Variants in HNF4G observed in about 807,000 individuals in gnomAD.
The protein encoded by HNF4G is hepatocyte nuclear factor 4-gamma.
A neutral mutation model predicts 50.9 loss-of-function variants in HNF4G; 21 were observed. That is an observed-to-expected ratio of 0.41 (90% CI 0.29 to 0.59). HNF4G has a LOEUF of 0.59. HNF4G is among the 20% of genes least tolerant of loss of function. The probability of loss-of-function intolerance (pLI) is 0.26; values close to 1 mark genes in which losing one functional copy is unlikely to be tolerated. For synonymous variants in HNF4G, 198 were observed against 185.6 expected, an observed-to-expected ratio of 1.07 and a Z score of -0.54; for missense variants, 527 against 559.4, an observed-to-expected ratio of 0.94 and a Z score of 0.58.
upstream of HNF4G, among the ~76,000 whole-genome samples, chr8:75,538,303 A>T (rs576642561): frequency 6.6e-6 from 1 of 152,330 alleles, no homozygotes; most frequent in Non-Finnish European, 1.5e-5. Context: ...TGGATCCGGT[A>T]CTGTCACCCG....
intron 2 of HNF4G, among the ~76,000 whole-genome samples, chr8:75,508,607 G>T (rs1012526323): frequency 6.6e-6 from 1 of 152,116 alleles, no homozygotes; most frequent in Non-Finnish European, 1.5e-5. Context: ...ACTTTTCAAA[G>T]AGCTTAGAAT....
intron 4 of HNF4G, 62 bp from the exon 5 acceptor site, chr8:75,552,980 A>G: frequency 8.1e-7 from 1 of 1,235,062 alleles, no homozygotes. Context: ...TCAAAAGAAA[A>G]AAAGGGGAAT....
chr8:75,477,152 T>C (rs1202810877), intron 1 of HNF4G, among the ~76,000 whole-genome samples: 4 of 152,220 alleles, frequency 2.6e-5, no homozygotes, highest in Non-Finnish European at 5.9e-5. Flanking sequence ...TTTCCCAGTT[T>C]TGCTTCAAGA....
intron 1 of HNF4G, among the ~76,000 whole-genome samples, chr8:75,422,273 C>T (rs1810792743): frequency 6.6e-6 from 1 of 152,126 alleles, no homozygotes; most frequent in African/African-American, 2.4e-5. Flanking sequence ...ATTTTCCCCA[C>T]AGTAATTTAT....
At chr8:75,538,296 A>C (rs950862145), upstream of HNF4G, among the ~76,000 whole-genome samples, 6 of 152,204 alleles carry the variant, frequency 3.9e-5, no homozygotes, top group East Asian at 9.6e-4. Context: ...AAATGCCTGG[A>C]TCCGGTACTG....
chr8:75,542,218 T>A (rs915525291), intron 1 of HNF4G, among the ~76,000 whole-genome samples: 9 of 151,928 alleles, frequency 5.9e-5, no homozygotes, highest in African/African-American at 2.2e-4. Flanking sequence ...GGTGGGAGGA[T>A]TGCTTGAGCT....
chr8:75,432,716 C>CT (rs1248852493), intron 1 of HNF4G, among the ~76,000 whole-genome samples: 3 of 152,096 alleles, frequency 2.0e-5, no homozygotes, highest in Non-Finnish European at 4.4e-5. Context: ...GTATTCATGG[C>CT]TTTTTTTAAG....
intron 1 of HNF4G, among the ~76,000 whole-genome samples, chr8:75,439,027 T>G (rs1045529301): frequency 1.3e-5 from 2 of 152,052 alleles, no homozygotes; most frequent in African/African-American, 2.4e-5. Context: ...TGTGTATTCA[T>G]TGTATATTTA....
chr8:75,425,360 A>G (rs954307572), intron 1 of HNF4G, among the ~76,000 whole-genome samples: 1 of 151,562 alleles, frequency 6.6e-6, no homozygotes, highest in Non-Finnish European at 1.5e-5. Context: ...CTAAGATTAC[A>G]GGTGTGAGCC....
Position 75,551,452 on chromosome 8 carries a change from C to T in HNF4G, c.447C>T (p.Pro149=), listed in dbSNP as rs1432625609. 2 of 1,613,274 alleles carry T rather than the reference C, an allele frequency of 1.2e-6. No homozygotes were observed. The highest frequency in any genetic ancestry group is 1.1e-5 in the South Asian group (1 of 91,064). ...RRSTFDGSNI[P]SINTLAQAEV... is the part of the protein sequence containing the mutation. Reference sequence around the variant, plus strand: ...GCACATTTGATGGCAGCAACATCCCCTCCATTAACACACTGGCACAAGCTG... The same window carrying T: ...GCACATTTGATGGCAGCAACATCCCTTCCATTAACACACTGGCACAAGCTG... Residue 149 remains proline (P), a synonymous_variant, in exon 4 of 10, where the codon CCC becomes CCT. Transcript: ENST00000396423.
At chr8:75,410,056 C>A (rs1810463929) in intron 1 of HNF4G, among the ~76,000 whole-genome samples, 1 of 152,074 alleles carries the variant, frequency 6.6e-6, no homozygotes, top group South Asian at 2.1e-4. Flanking sequence ...AAATACTTAT[C>A]TGTCAATATA....
chr8:75,442,338 C>T (rs532023722), intron 1 of HNF4G, among the ~76,000 whole-genome samples: 137 of 151,974 alleles, frequency 9.0e-4, no homozygotes, highest in African/African-American at 2.8e-3. Flanking sequence ...TATTCTTTTG[C>T]ATATATATTT....
intron 1 of HNF4G, among the ~76,000 whole-genome samples, chr8:75,466,051 C>T (rs888534558): frequency 8.6e-5 from 13 of 151,962 alleles, no homozygotes; most frequent in Non-Finnish European, 1.6e-4. Context: ...CTTCTTTTAC[C>T]TTTACTATCA....
intron 2 of HNF4G, among the ~76,000 whole-genome samples, chr8:75,515,782 T>C (rs956169099): frequency 6.6e-6 from 1 of 151,906 alleles, no homozygotes; most frequent in Admixed American, 6.6e-5. Context: ...TTTTTTTTTT[T>C]GAGATGGAAT....
At chr8:75,488,126 A>T (rs1812536046) in intron 1 of HNF4G, among the ~76,000 whole-genome samples, 1 of 152,194 alleles carries the variant, frequency 6.6e-6, no homozygotes, top group African/African-American at 2.4e-5. Flanking sequence ...GACAAACCAT[A>T]TCACTCCTTG....
chr8:75,475,289 T>C (rs1250129574), intron 1 of HNF4G, among the ~76,000 whole-genome samples: 1 of 152,226 alleles, frequency 6.6e-6, no homozygotes, highest in Non-Finnish European at 1.5e-5. Context: ...ATCACAGGCG[T>C]GAGCCACTGT....
intron 1 of HNF4G, among the ~76,000 whole-genome samples, chr8:75,474,784 G>A (rs1271442669): frequency 6.6e-6 from 1 of 150,534 alleles, no homozygotes; most frequent in Non-Finnish European, 1.5e-5. Flanking sequence ...TGCAACCTCC[G>A]CCTCCCAGAT....
rs1812758752 is a variant in HNF4G, at chr8:75,496,034, C to A, written c.-24+5826C>A. 3.3e-5 allele frequency among the ~76,000 whole-genome samples: 5 copies of A among 151,876 alleles called. No homozygotes were observed. In the South Asian group the frequency reaches 1.0e-3, roughly 32 times the overall value. On this transcript the variant is annotated intron_variant, in intron 2 of 10. Transcript: ENST00000354370. ...AGTTATGAGCAGGTACTACTAATAT[C>A]TAATAATTGAATGACAAAATATCTA... is the stretch of plus-strand genomic sequence containing the variant.
chr8:75,516,440 A>AT (rs1805890778), intron 2 of HNF4G, among the ~76,000 whole-genome samples: 1 of 151,766 alleles, frequency 6.6e-6, no homozygotes, highest in Admixed American at 6.6e-5. Context: ...ACTTTATGTG[A>AT]TTTTTATTGC....
Sources: allele counts gnomAD v4.1 joint callset (sites outside exome capture counted in the v4.1 genomes callset), GRCh38; gene constraint gnomAD v4.1.1; transcripts MANE v1.5; gene names NCBI Gene and HGNC (gene_info 2026-07-23, HGNC 2026-07-21).